The following INO80 variants were observed in gnomAD, a reference collection of about 807,000 sequenced individuals.
The protein encoded by INO80 is chromatin-remodeling ATPase INO80.
INO80 carries 20 observed loss-of-function variants against 203.4 expected under a neutral mutation model. That is an observed-to-expected ratio of 0.10 (90% CI 0.07 to 0.14). The LOEUF (loss-of-function observed/expected upper bound fraction) is 0.14. Ranked by LOEUF, INO80 falls within the 10% of genes least tolerant of loss-of-function variation. INO80 has a pLI of 1.00. For missense variants in INO80, 1,419 were observed against 1,914.4 expected (o/e 0.74, Z 4.83); for synonymous variants, 726 against 685.2 (o/e 1.06, Z -0.93).
At chr15:41,115,168 C>T (rs975184241) in intron 1 of INO80, among the ~76,000 whole-genome samples, 2 of 152,130 alleles carry the variant, frequency 1.3e-5, no homozygotes, top group Non-Finnish European at 2.9e-5. Context: ...AAATTCCTTC[C>T]CCCATTTCTA....
chr15:41,090,629 G>A (rs2045623516), intron 5 of INO80, among the ~76,000 whole-genome samples: 1 of 152,102 alleles, frequency 6.6e-6, no homozygotes. Context: ...CTGAGGGACA[G>A]AAAGAATGAG....
chr15:41,049,246 T>C (rs1353793342), intron 21 of INO80, 41 bp downstream of exon 21: 14 of 1,531,472 alleles, frequency 9.1e-6, no homozygotes, highest in Non-Finnish European at 1.2e-5. Flanking sequence ...AACTGTAAAT[T>C]ATAAAACACT....
chr15:41,065,988 CTTTTTTT>C (rs1175524125), intron 14 of INO80, among the ~76,000 whole-genome samples: 1 of 127,272 alleles, frequency 7.9e-6, no homozygotes, highest in African/African-American at 2.9e-5. Context: ...CTACATTGTA[CTTTTTTT>C]TTTTTTTTTT....
intron 24 of INO80, among the ~76,000 whole-genome samples, chr15:41,030,134 G>A (rs1436236659): frequency 6.6e-6 from 1 of 152,150 alleles, no homozygotes; most frequent in African/African-American, 2.4e-5. Context: ...AAATTCAACA[G>A]AAACCTGTTT....
At chr15:41,072,448 C>T (rs2045335970) in intron 11 of INO80, among the ~76,000 whole-genome samples, 1 of 151,696 alleles carries the variant, frequency 6.6e-6, no homozygotes, top group Non-Finnish European at 1.5e-5. Context: ...GGGCCAGGCG[C>T]AGTGGCTCAC....
At chr15:40,994,586 C>T (rs2043855799) in intron 29 of INO80, among the ~76,000 whole-genome samples, 2 of 151,938 alleles carry the variant, frequency 1.3e-5, no homozygotes, top group African/African-American at 4.8e-5. Context: ...AGGCTGGTGT[C>T]GAACTCCTGA....
At chr15:40,986,333 T>C (rs1003483002) in intron 31 of INO80, among the ~76,000 whole-genome samples, 1 of 121,542 alleles carries the variant, frequency 8.2e-6, no homozygotes, top group Non-Finnish European at 1.5e-5. Flanking sequence ...TTTTTTTTTT[T>C]TTTTTTTTGA....
At chr15:41,041,689 C>T (rs983576023) in intron 24 of INO80, among the ~76,000 whole-genome samples, 9 of 152,036 alleles carry the variant, frequency 5.9e-5, no homozygotes, top group Non-Finnish European at 1.0e-4. Flanking sequence ...GTGCTCTGCC[C>T]GCCTTGGCCT....
rs775918110 is a variant in INO80 at position 41,047,403 on chromosome 15, C to T, written c.2735+5G>A. 126 of 1,607,178 alleles carry T rather than the reference C, an allele frequency of 7.8e-5. No homozygotes were observed. Among genetic ancestry groups the T allele is most frequent in the Non-Finnish European group, 1.0e-4 (120 of 1,174,284 alleles). On this transcript the variant is annotated splice_donor_5th_base_variant and intron_variant, in intron 23 of 35. Coordinates refer to ENST00000648947, the MANE Select transcript of INO80 (RefSeq NM_017553.3). ...CTCTTATCAAGCAATAAGCAAACCT[C>T]TCACCTGGCCAAAAGTCCCTGAAGC...
chr15:41,094,176 CT>C (rs886081435), intron 4 of INO80, among the ~76,000 whole-genome samples: 4 of 152,194 alleles, frequency 2.6e-5, no homozygotes, highest in Non-Finnish European at 5.9e-5. Context: ...TTAACAACCT[CT>C]CTGCTTGTAA....
rs182459058 is a variant in INO80 at position 41,079,052 on chromosome 15, T to C, written c.1131+649A>G. On this transcript the variant is annotated intron_variant, in intron 9 of 35. Transcript: ENST00000648947. ...AGCTACTCAGGAAGCTGAGGCAGAA[T>C]TGCTTGAATGTGGGAGGCAAAGGTT... 1.8e-3 allele frequency among the ~76,000 whole-genome samples: 272 copies of C among 152,202 alleles called. 1 individual carries two copies. The highest frequency in any genetic ancestry group is 2.7e-3 in the Non-Finnish European group (187 of 68,006).
intron 1 of INO80, among the ~76,000 whole-genome samples, chr15:41,110,038 T>C (rs1039784318): frequency 6.7e-6 from 1 of 149,288 alleles, no homozygotes; most frequent in Non-Finnish European, 1.5e-5. Context: ...GAGGTTGCAG[T>C]GAGCTGAGAT....
chr15:41,071,452 T>C (rs2045314649), intron 12 of INO80, among the ~76,000 whole-genome samples: 2 of 142,442 alleles, frequency 1.4e-5, no homozygotes, highest in African/African-American at 5.5e-5. Flanking sequence ...CATTTCCTTT[T>C]TTTTTTTTTT....
chr15:41,084,654 T>G (rs1420219283), intron 7 of INO80, among the ~76,000 whole-genome samples: 2 of 152,234 alleles, frequency 1.3e-5, no homozygotes, highest in East Asian at 3.8e-4. Context: ...TTTATTCTAG[T>G]GCCTGTGATT....
intron 26 of INO80, chr15:41,016,858 TTTTG>T (rs1231785979): frequency 6.6e-6 from 1 of 152,218 alleles, no homozygotes; most frequent in Non-Finnish European, 1.5e-5. Context: ...ACCCAGTTAA[TTTTG>T]TTTCTCTTTT....
intron 5 of INO80, among the ~76,000 whole-genome samples, chr15:41,090,419 C>T (rs982572751): frequency 6.6e-6 from 1 of 151,432 alleles, no homozygotes; most frequent in Non-Finnish European, 1.5e-5. Flanking sequence ...TTACTAAAAA[C>T]GCAAAAAAAA....
chr15:41,037,197 G>C (rs1218692088), intron 24 of INO80, among the ~76,000 whole-genome samples: 1 of 150,814 alleles, frequency 6.6e-6, no homozygotes, highest in Non-Finnish European at 1.5e-5. Flanking sequence ...CACTTAATAG[G>C]ACTTTTTTTT....
At chr15:41,026,606 T>G (rs2044378898) in intron 25 of INO80, among the ~76,000 whole-genome samples, 1 of 151,486 alleles carries the variant, frequency 6.6e-6, no homozygotes, top group Non-Finnish European at 1.5e-5. Flanking sequence ...GTAAAAACAG[T>G]ACACTTGCTA....
At position 40,980,126 on chromosome 15, in the gene INO80, G is replaced by T; in HGVS notation, c.*97C>A. 1.1e-6 allele frequency: 1 copy of T among 942,670 alleles called. No homozygotes were observed. The highest frequency in any genetic ancestry group is 1.7e-6 in the Non-Finnish European group (1 of 592,072). The allele number at this position is 942,670 out of a possible 1,614,324, so 58.4% of individuals were successfully genotyped here. A position where few individuals can be genotyped will look rare whatever the true frequency, so the allele number is the denominator to read the frequency against. On this transcript the variant is annotated 3_prime_UTR_variant, in exon 36 of 36. Transcript: ENST00000648947. ...CTGGACATTTCCACTTCTGACTCAG[G>T]ATGCAAGATGCTGCACGGGGCAAGC...
Sources: allele counts gnomAD v4.1 joint callset (sites outside exome capture counted in the v4.1 genomes callset), GRCh38; gene constraint gnomAD v4.1.1; transcripts MANE v1.5; gene names NCBI Gene and HGNC (gene_info 2026-07-23, HGNC 2026-07-21).